TRPV2: variants seen among roughly 807,000 people sequenced by gnomAD.
The protein encoded by TRPV2 is OTRPC2.
TRPV2 carries 58 observed loss-of-function variants against 91.0 expected under a neutral mutation model. The observed-to-expected ratio is 0.64, with a 90% CI of 0.52 to 0.79. TRPV2 has a LOEUF of 0.79. Ranked by LOEUF, TRPV2 falls within the 30% of genes least tolerant of loss-of-function variation. TRPV2 has a pLI of 0.00. For missense variants in TRPV2, 807 were observed against 969.6 expected, an observed-to-expected ratio of 0.83 and a Z score of 2.23; for synonymous variants, 417 against 414.8, an observed-to-expected ratio of 1.01 and a Z score of -0.06.
intron 5 of TRPV2, among the ~76,000 whole-genome samples, chr17:16,425,624 G>A (rs1329807467): frequency 6.6e-6 from 1 of 152,190 alleles, no homozygotes; most frequent in East Asian, 1.9e-4. Flanking sequence ...ACTGCTGTGT[G>A]GCCTATGAAA....
rs7224317 is a variant in TRPV2 at position 16,428,427 on chromosome 17, G to A, written c.1421+40G>A. On this transcript the variant is annotated intron_variant, in intron 9 of 14. Coordinates refer to ENST00000338560, the MANE Select transcript of TRPV2 (RefSeq NM_016113.5). ...ACTCCTCCTTCTCTCAACTGTCTCT[G>A]AGGTCTGGAAGGGGCAGTTGTGGCA... 2,259 of 1,605,560 alleles carry A rather than the reference G, an allele frequency of 1.4e-3. 26 individuals are homozygous for A. The African/African-American group carries it at 0.026, about 18-fold the overall frequency.
chr17:16,421,707 A>C (rs1163612421), intron 3 of TRPV2, among the ~76,000 whole-genome samples: 2 of 150,408 alleles, frequency 1.3e-5, no homozygotes, highest in Non-Finnish European at 3.0e-5. Context: ...TTTTTAGTAA[A>C]GATGGGATTT....
chr17:16,433,534 G>A, intron 12 of TRPV2, 40 bp from the exon 13 acceptor site: 1 of 1,607,282 alleles, frequency 6.2e-7, no homozygotes, highest in Non-Finnish European at 8.5e-7. Flanking sequence ...CCCCAGGCAG[G>A]GTCCCAGGAC....
Position 16,436,832 on chromosome 17 carries a change from T to A in TRPV2, c.2238T>A (p.Asp746Glu). The A allele has an allele frequency of 6.2e-7, 1 of 1,614,038 alleles. No individual in the cohort carries two copies. The highest frequency in any genetic ancestry group is 8.5e-7 in the Non-Finnish European group (1 of 1,179,916). ...NPVLASPPKE[D>E]EDGASEENYV... Reference sequence around the variant, plus strand: ...TCCTGGCTTCCCCTCCCAAGGAGGATGAGGATGGTGCCTCTGAGGAAAACT... The same window carrying A: ...TCCTGGCTTCCCCTCCCAAGGAGGAAGAGGATGGTGCCTCTGAGGAAAACT... Residue 746 changes from aspartate to glutamate, a missense_variant, in exon 15 of 15, where the codon GAT (aspartate) becomes GAA (glutamate). By Grantham distance (45) the Asp-to-Glu change is conservative. Coordinates refer to ENST00000338560, the MANE Select transcript of TRPV2 (RefSeq NM_016113.5).
chr17:16,434,371 C>G (rs1049041139), intron 13 of TRPV2, among the ~76,000 whole-genome samples: 6 of 150,374 alleles, frequency 4.0e-5, no homozygotes, highest in Admixed American at 1.3e-4. Context: ...AGGAGGCCGA[C>G]GCAGGAGAAT....
At chr17:16,419,412 A>G (rs1281426076) in intron 2 of TRPV2, 5 of 470,800 alleles carry the variant, frequency 1.1e-5, no homozygotes, top group Non-Finnish European at 2.2e-5. Context: ...GGCCCAGGTA[A>G]TGCTCTGTTT....
chr17:16,429,210 G>T (rs557558415), intron 10 of TRPV2, among the ~76,000 whole-genome samples: 1 of 152,338 alleles, frequency 6.6e-6, no homozygotes, highest in East Asian at 1.9e-4. Flanking sequence ...GTGTCCACAC[G>T]GGAGCATGTG....
intron 13 of TRPV2, among the ~76,000 whole-genome samples, chr17:16,434,467 CAAAAAAAAA>C (rs10634588): frequency 1.8e-5 from 2 of 109,764 alleles, no homozygotes; most frequent in Non-Finnish European, 3.5e-5. Flanking sequence ...GACTCCATCT[CAAAAAAAAA>C]AAAAAAAAGA....
At chr17:16,420,074 G>C (rs753169129) in intron 2 of TRPV2, 41 bp from the exon 3 acceptor site, 1 of 1,597,014 alleles carries the variant, frequency 6.3e-7, no homozygotes, top group East Asian at 2.2e-5. Context: ...GGGGGCCTGT[G>C]GTTCTTCTCC....
In TRPV2 at chr17:16,436,873, T is replaced by C; in HGVS notation, c.2279T>C (p.Leu760Pro). The change falls in exon 15 of 15, where the codon CTC becomes CCC. Residue 760 changes from leucine to proline, a missense_variant. Physicochemically the swap from Leu to Pro is moderately conservative, Grantham distance 98. Coordinates refer to ENST00000338560, the MANE Select transcript of TRPV2 (RefSeq NM_016113.5). ...GAGGAAAACTATGTGCCCGTCCAGC[T>C]CCTCCAGTCCAACTGATGGCCCAGA... The part of the protein sequence containing the change: ...ASEENYVPVQ[L>P]LQSN 1 of 1,613,896 alleles carries C rather than the reference T, an allele frequency of 6.2e-7. No individual in the cohort carries two copies. The highest frequency in any genetic ancestry group is 8.5e-7 in the Non-Finnish European group (1 of 1,179,864).
intron 5 of TRPV2, among the ~76,000 whole-genome samples, chr17:16,424,023 CTTGTT>C (rs1219748027): frequency 2.6e-5 from 4 of 151,856 alleles, no homozygotes; most frequent in African/African-American, 9.7e-5. Context: ...GTGTTTCGCT[CTTGTT>C]GCCCAGGCTG....
Position 16,433,578 on chromosome 17 carries a change from C to A in TRPV2, c.1994C>A (p.Ala665Asp). ...DSWSIWKLQKAISVLEMENGY... is the reference protein window; with the variant it reads ...DSWSIWKLQKDISVLEMENGY... The stretch of plus-strand genomic sequence containing the variant: ...TGATGCATCCTTTGTCCCCAGAAAG[C>A]CATCTCTGTCCTGGAGATGGAGAAT... Residue 665 changes from alanine (A) to aspartate (D), a missense_variant, in exon 13 of 15, where the codon GCC (alanine) becomes GAC (aspartate). Physicochemically the swap from Ala to Asp is moderately radical, Grantham distance 126. Transcript: ENST00000338560. The A allele has an allele frequency of 6.2e-7, 1 of 1,614,010 alleles. No homozygotes were observed. The highest frequency in any genetic ancestry group is 8.5e-7 in the Non-Finnish European group (1 of 1,179,982).
rs747325315 is a variant in TRPV2 at position 16,427,459 on chromosome 17, C to G, written c.1262C>G (p.Pro421Arg). 6.2e-6 allele frequency: 10 copies of G among 1,613,886 alleles called. No homozygotes were observed. Among genetic ancestry groups the G allele is most frequent in the Non-Finnish European group, 8.5e-6 (10 of 1,179,846 alleles). Residue 421 changes from proline to arginine, a missense_variant, in exon 8 of 15, where the codon CCT becomes CGT. Coordinates refer to ENST00000338560, the MANE Select transcript of TRPV2 (RefSeq NM_016113.5). ...HQPTLKKQAA[P>R]HLKAEVGNSM... is the part of the protein sequence containing the mutation. ...TGAGTGTGTCTTCAGCAGGCCGCCC[C>G]TCACCTGAAAGCGGAGGTTGGAAAC...
Position 16,422,721 on chromosome 17 carries a change from A to G in TRPV2, c.457A>G (p.Asn153Asp). The G allele has an allele frequency of 6.2e-7, 1 of 1,602,902 alleles. No individual in the cohort carries two copies. The highest frequency in any genetic ancestry group is 8.5e-7 in the Non-Finnish European group (1 of 1,174,114). ...RDSGNPQPLV[N>D]AQCTDDYYRG... Reference sequence around the variant, plus strand: ...CTCTGGCAATCCTCAGCCCCTGGTAAATGCCCAGTGCACAGATGACTATTA... The same window carrying G: ...CTCTGGCAATCCTCAGCCCCTGGTAGATGCCCAGTGCACAGATGACTATTA... The change falls in exon 4 of 15, where the codon AAT becomes GAT. Residue 153 changes from asparagine to aspartate, a missense_variant. Asn to Asp is a conservative substitution (Grantham distance 23). Coordinates refer to ENST00000338560, the MANE Select transcript of TRPV2 (RefSeq NM_016113.5).
At chr17:16,427,619 A>G (rs1391233402) in intron 8 of TRPV2, 72 bp downstream of exon 8, 8 of 1,417,232 alleles carry the variant, frequency 5.6e-6, no homozygotes, top group Non-Finnish European at 7.7e-6. Context: ...AGAGAAAGTT[A>G]GCTGCATCCC....
chr17:16,419,364 G>A, intron 2 of TRPV2: 1 of 471,056 alleles, frequency 2.1e-6, no homozygotes, highest in Admixed American at 2.3e-5. Context: ...TGCCTTCTTG[G>A]TGGTGTCTGA....
In TRPV2 at chr17:16,417,647, C is replaced by T. The variant is rs113850084; in HGVS notation, c.-22C>T. ...ATCTGCACAGAGGTCCTGGCTGGAC[C>T]GAGCAGCCTCCTCCTCCTAGGATGA... On this transcript the variant is annotated 5_prime_UTR_variant, in exon 2 of 15. Coordinates refer to ENST00000338560, the MANE Select transcript of TRPV2 (RefSeq NM_016113.5). The T allele has an allele frequency of 9.9e-5, 160 of 1,612,982 alleles. No homozygotes were observed. Among genetic ancestry groups the T allele is most frequent in the Admixed American group, 2.0e-4 (12 of 59,990 alleles).
At chr17:16,427,422 C>A in intron 7 of TRPV2, 27 bp from the exon 8 acceptor site, 1 of 1,609,642 alleles carries the variant, frequency 6.2e-7, no homozygotes. Context: ...ACCCAAGGCC[C>A]TAGGTCTCAT....
chr17:16,434,393 G>A (rs1241596580), intron 13 of TRPV2, among the ~76,000 whole-genome samples: 2 of 151,772 alleles, frequency 1.3e-5, no homozygotes, highest in African/African-American at 4.8e-5. Context: ...GCATGAACCT[G>A]GGAGGCGGAG....
Sources: allele counts gnomAD v4.1 joint callset (sites outside exome capture counted in the v4.1 genomes callset), GRCh38; gene constraint gnomAD v4.1.1; transcripts MANE v1.5; gene names NCBI Gene and HGNC (gene_info 2026-07-23, HGNC 2026-07-21).